Variants in SORCS1 observed in about 807,000 individuals in gnomAD.
SORCS1 encodes sortilin related VPS10 domain containing receptor 1, also known as VPS10 domain-containing receptor SorCS1.
In SORCS1, 60 loss-of-function variants were observed where a neutral mutation model predicts 146.1. The observed-to-expected ratio is 0.41, with a 90% CI of 0.33 to 0.51. The LOEUF is 0.51. Ranked by LOEUF, SORCS1 falls within the 20% of genes least tolerant of loss-of-function variation. The probability of loss-of-function intolerance (pLI) is 0.21; values close to 1 mark genes in which losing one functional copy is unlikely to be tolerated. For missense variants in SORCS1, 1,352 were observed against 1,487.6 expected (o/e 0.91, Z 1.50); for synonymous variants, 637 against 584.0 (o/e 1.09, Z -1.31).
chr10:106,759,097 G>A (rs1858882825), intron 5 of SORCS1, among the ~76,000 whole-genome samples: 1 of 152,160 alleles, frequency 6.6e-6, no homozygotes, highest in African/African-American at 2.4e-5. Context: ...GGGTTTTAGG[G>A]CAGTGTTTGA....
intron 1 of SORCS1, among the ~76,000 whole-genome samples, chr10:107,084,835 C>A (rs1963642383): frequency 1.3e-5 from 2 of 152,164 alleles, no homozygotes; most frequent in Admixed American, 1.3e-4. Context: ...TAAACTACAG[C>A]TTCCAAAATT....
intron 2 of SORCS1, among the ~76,000 whole-genome samples, chr10:106,891,386 C>T (rs1184423650): frequency 2.6e-5 from 4 of 151,950 alleles, no homozygotes; most frequent in African/African-American, 9.7e-5. Flanking sequence ...TGAAAATACC[C>T]CTTGTACAGT....
At chr10:106,988,695 C>T (rs4918277) in intron 1 of SORCS1, among the ~76,000 whole-genome samples, 33,580 of 151,884 alleles carry the variant, frequency 0.22, 4,465 homozygotes, top group Middle Eastern at 0.33. Flanking sequence ...ATTTAACACT[C>T]ATATAGCACT....
At chr10:106,793,513 C>T (rs1401334412) in intron 3 of SORCS1, among the ~76,000 whole-genome samples, 2 of 152,084 alleles carry the variant, frequency 1.3e-5, no homozygotes, top group Non-Finnish European at 2.9e-5. Context: ...AAGAGTATAG[C>T]TCATTCAGAA....
At chr10:106,985,950 C>T (rs1386237149) in intron 1 of SORCS1, among the ~76,000 whole-genome samples, 1 of 151,838 alleles carries the variant, frequency 6.6e-6, no homozygotes, top group Non-Finnish European at 1.5e-5. Flanking sequence ...GATACAGGAC[C>T]CAATCCTTGT....
intron 2 of SORCS1, among the ~76,000 whole-genome samples, chr10:106,883,473 G>A (rs1435503395): frequency 6.7e-6 from 1 of 149,722 alleles, no homozygotes; most frequent in East Asian, 2.0e-4. Context: ...GGAGTGCAGT[G>A]GCACGATCTC....
intron 2 of SORCS1, among the ~76,000 whole-genome samples, chr10:106,868,441 A>T (rs1950297754): frequency 6.6e-6 from 1 of 152,164 alleles, no homozygotes; most frequent in African/African-American, 2.4e-5. Flanking sequence ...CGACCACATA[A>T]CTGGACATAA....
chr10:107,066,481 G>T (rs895463438), intron 1 of SORCS1, among the ~76,000 whole-genome samples: 1 of 152,048 alleles, frequency 6.6e-6, no homozygotes, highest in Admixed American at 6.6e-5. Flanking sequence ...TTCAAATATG[G>T]TATCTATCTG....
intron 24 of SORCS1, among the ~76,000 whole-genome samples, chr10:106,594,362 A>G (rs1845785870): frequency 6.6e-6 from 1 of 152,232 alleles, no homozygotes; most frequent in African/African-American, 2.4e-5. Flanking sequence ...CATGGGGTAC[A>G]TAGTGATGCT....
chr10:106,812,635 G>T (rs11193059), intron 3 of SORCS1, among the ~76,000 whole-genome samples: 4,021 of 152,246 alleles, frequency 0.026, 68 homozygotes, highest in East Asian at 0.058. Context: ...CTGAAAAAGT[G>T]GGGGGAGAGT....
intron 1 of SORCS1, among the ~76,000 whole-genome samples, chr10:107,039,099 G>A (rs1193375280): frequency 6.6e-6 from 1 of 152,094 alleles, no homozygotes; most frequent in Admixed American, 6.5e-5. Context: ...GGAGGCTGAG[G>A]CGGGTGGATC....
At chr10:106,935,053 A>C (rs1040775117) in intron 2 of SORCS1, among the ~76,000 whole-genome samples, 3 of 152,202 alleles carry the variant, frequency 2.0e-5, no homozygotes, top group African/African-American at 7.2e-5. Context: ...CGAGTACCCC[A>C]AAAACTACTG....
chr10:107,148,091 A>G lies in SORCS1; in HGVS notation c.558+15878T>C, dbSNP rs1968485810. 2.0e-5 allele frequency among the ~76,000 whole-genome samples: 3 copies of G among 152,326 alleles called. No homozygotes were observed. In the South Asian group the frequency reaches 6.2e-4, roughly 32 times the overall value. On this transcript the variant is annotated intron_variant, in intron 1 of 25. Transcript: ENST00000263054. ...GCAAAGGGGCAGGGACGGAAAATAA[A>G]TGATCCACTTTGTGACTGGAAGTCT...
chr10:106,956,061 C>T (rs1385068880), intron 2 of SORCS1, among the ~76,000 whole-genome samples: 6 of 151,452 alleles, frequency 4.0e-5, no homozygotes, highest in Admixed American at 4.0e-4. Flanking sequence ...ACCCGGGAGG[C>T]AGAGGTTGCG....
chr10:107,045,484 T>C (rs1190070748), intron 1 of SORCS1, among the ~76,000 whole-genome samples: 1 of 152,164 alleles, frequency 6.6e-6, no homozygotes, highest in Non-Finnish European at 1.5e-5. Context: ...TGACTTGAAC[T>C]TCATATTTGT....
At chr10:106,925,853 T>G (rs1240468852) in intron 2 of SORCS1, among the ~76,000 whole-genome samples, 4 of 152,186 alleles carry the variant, frequency 2.6e-5, no homozygotes, top group African/African-American at 9.6e-5. Context: ...ATGATTTTGG[T>G]AAGACTTGGT....
intron 1 of SORCS1, among the ~76,000 whole-genome samples, chr10:107,101,180 T>A (rs1964898851): frequency 6.6e-6 from 1 of 152,130 alleles, no homozygotes; most frequent in South Asian, 2.1e-4. Context: ...TGCCTCAGCC[T>A]CCCAAGTAGC....
intron 1 of SORCS1, among the ~76,000 whole-genome samples, chr10:107,103,508 C>CA: frequency 6.6e-6 from 1 of 152,298 alleles, no homozygotes; most frequent in East Asian, 1.9e-4. Flanking sequence ...TCTCTTTGTC[C>CA]AAAAATACTG....
At position 106,579,362 on chromosome 10, in the gene SORCS1, C is replaced by T. The variant is rs745459297; in HGVS notation, c.3371+7G>A. 6.2e-7 allele frequency: 1 copy of T among 1,613,984 alleles called. No individual in the cohort carries two copies. The highest frequency in any genetic ancestry group is 8.5e-7 in the Non-Finnish European group (1 of 1,179,960). On this transcript the variant is annotated splice_region_variant and intron_variant, in intron 25 of 25. Coordinates refer to ENST00000263054, the MANE Select transcript of SORCS1 (RefSeq NM_052918.5). ...GGGTGGGGGAACGTGGATAGAGGGA[C>T]ACGCACCTTTTAAACTTGTAGATGA...
Sources: allele counts gnomAD v4.1 joint callset (sites outside exome capture counted in the v4.1 genomes callset), GRCh38; gene constraint gnomAD v4.1.1; transcripts MANE v1.5; gene names NCBI Gene and HGNC (gene_info 2026-07-23, HGNC 2026-07-21).